Variants in INPP4B observed in about 807,000 individuals in gnomAD.
INPP4B encodes the protein inositol polyphosphate-4-phosphatase type II B.
INPP4B carries 55 observed loss-of-function variants against 122.5 expected under a neutral mutation model. That is an observed-to-expected ratio of 0.45 (90% CI 0.36 to 0.56). The LOEUF (loss-of-function observed/expected upper bound fraction) is 0.56, where lower values mean the gene tolerates loss of function less well. Ranked by LOEUF, INPP4B falls within the 20% of genes least tolerant of loss-of-function variation. INPP4B has a pLI of 0.00. For synonymous variants in INPP4B, 403 were observed against 388.7 expected (o/e 1.04, Z -0.43); for missense variants, 1,000 against 1,097.7 (o/e 0.91, Z 1.26).
intron 3 of INPP4B, 44 bp from the exon 4 acceptor site, chr4:142,431,429 A>G: frequency 1.7e-6 from 1 of 602,272 alleles, no homozygotes; most frequent in Non-Finnish European, 2.9e-6. Context: ...ATTGGAGTTC[A>G]GTATAAAGCT....
At chr4:142,420,034 T>C (rs921556101) in intron 5 of INPP4B, among the ~76,000 whole-genome samples, 2 of 151,992 alleles carry the variant, frequency 1.3e-5, no homozygotes, top group Admixed American at 6.6e-5. Context: ...AGGGAGAAAG[T>C]AATTAGGTAA....
intron 2 of INPP4B, among the ~76,000 whole-genome samples, chr4:142,468,801 A>G (rs1818291910): frequency 6.6e-6 from 1 of 152,008 alleles, no homozygotes; most frequent in African/African-American, 2.4e-5. Flanking sequence ...AGCCAAATAA[A>G]CCTCTTTTCT....
intron 18 of INPP4B, among the ~76,000 whole-genome samples, chr4:142,132,242 G>C (rs1359886810): frequency 1.3e-5 from 2 of 151,868 alleles, no homozygotes; most frequent in African/African-American, 4.8e-5. Flanking sequence ...TAGTGAATAT[G>C]TTTGTAGAGA....
Position 142,739,241 on chromosome 4 carries a change from C to T in INPP4B, c.-253-13340G>A, listed in dbSNP as rs116136582. 9.5e-3 allele frequency among the ~76,000 whole-genome samples: 1,444 copies of T among 152,094 alleles called. 26 individuals carry two copies. Among genetic ancestry groups the T allele is most frequent in the African/African-American group, 0.032 (1,345 of 41,492 alleles). Reference sequence around the variant, plus strand: ...TCACTGTTTTAACGAAATTCTAGTACCCATATCTTGATAGAAATTATGAAA... The same window carrying T: ...TCACTGTTTTAACGAAATTCTAGTATCCATATCTTGATAGAAATTATGAAA... On this transcript the variant is annotated intron_variant, in intron 1 of 25. Coordinates refer to ENST00000262992, the MANE Select transcript of INPP4B (RefSeq NM_001101669.3).
chr4:142,061,879 CACACACATATATATAT>C (rs1403990112), intron 25 of INPP4B, among the ~76,000 whole-genome samples: 62 of 8,260 alleles, frequency 7.5e-3, no homozygotes, highest in African/African-American at 0.01. Flanking sequence ...CACACACACA[CACACACATATATATAT>C]ATATATATAT....
intron 11 of INPP4B, among the ~76,000 whole-genome samples, chr4:142,258,536 G>C (rs1230097206): frequency 6.6e-6 from 1 of 152,098 alleles, no homozygotes. Context: ...ATCAAAAAGT[G>C]GGCAAAGAAC....
intron 25 of INPP4B, among the ~76,000 whole-genome samples, chr4:142,076,603 G>A (rs4499771): frequency 0.89 from 135,834 of 152,012 alleles, 62,076 homozygotes; most frequent in Non-Finnish European, 0.98. Flanking sequence ...AATCATGGAA[G>A]ACCTGTTCCC....
intron 7 of INPP4B, among the ~76,000 whole-genome samples, chr4:142,369,506 G>T (rs1404074062): frequency 6.6e-6 from 1 of 151,422 alleles, no homozygotes; most frequent in South Asian, 2.1e-4. Context: ...GAGCCCAGGA[G>T]GTCAAGGTCA....
At chr4:142,212,183 A>G (rs1393421780) in intron 12 of INPP4B, among the ~76,000 whole-genome samples, 1 of 152,112 alleles carries the variant, frequency 6.6e-6, no homozygotes, top group Non-Finnish European at 1.5e-5. Context: ...AAGATCCCTC[A>G]CATCTTTCCC....
At chr4:142,521,501 A>G (rs1447787020) in intron 2 of INPP4B, among the ~76,000 whole-genome samples, 2 of 152,018 alleles carry the variant, frequency 1.3e-5, no homozygotes, top group African/African-American at 4.8e-5. Flanking sequence ...AGAAAAAACT[A>G]CAACAAGTAC....
At chr4:142,232,988 G>T (rs1222723325) in intron 12 of INPP4B, among the ~76,000 whole-genome samples, 2 of 152,120 alleles carry the variant, frequency 1.3e-5, no homozygotes, top group East Asian at 3.9e-4. Context: ...AAAATTTGAA[G>T]CTGACAGACA....
At chr4:142,653,945 C>A (rs1034150243) in intron 2 of INPP4B, among the ~76,000 whole-genome samples, 5 of 152,184 alleles carry the variant, frequency 3.3e-5, no homozygotes, top group African/African-American at 1.2e-4. Context: ...GTATTATTCA[C>A]AATAGCAAAG....
At position 142,664,339 on chromosome 4, in the gene INPP4B, C is replaced by T. The variant is rs1418714063; in HGVS notation, c.-191+61500G>A. Among the ~76,000 whole-genome samples, 9 of 152,250 alleles carry T rather than the reference C, an allele frequency of 5.9e-5. No individual in the cohort carries two copies. In the East Asian group the frequency reaches 1.2e-3, roughly 20 times the overall value. On this transcript the variant is annotated intron_variant, in intron 2 of 25. Coordinates refer to ENST00000262992, the MANE Select transcript of INPP4B (RefSeq NM_001101669.3). Reference sequence around the variant, plus strand: ...TCTCTTCTCCCCGCTAAGGCCAGGTCCCTTTTCAACCTTGTGTCTAATACT... The same window carrying T: ...TCTCTTCTCCCCGCTAAGGCCAGGTTCCTTTTCAACCTTGTGTCTAATACT...
At chr4:142,480,082 G>C (rs915184515) in intron 2 of INPP4B, among the ~76,000 whole-genome samples, 2 of 152,034 alleles carry the variant, frequency 1.3e-5, no homozygotes, top group Non-Finnish European at 2.9e-5. Flanking sequence ...ATTTTTTTCT[G>C]CTTTTGGAAA....
At chr4:142,720,742 A>G (rs7376145) in intron 2 of INPP4B, among the ~76,000 whole-genome samples, 54 of 72,180 alleles carry the variant, frequency 7.5e-4, no homozygotes, top group Admixed American at 1.1e-3. Flanking sequence ...ATATATATAT[A>G]TATATACATA....
At chr4:142,604,566 T>C (rs1740803876) in intron 2 of INPP4B, among the ~76,000 whole-genome samples, 1 of 152,070 alleles carries the variant, frequency 6.6e-6, no homozygotes, top group Non-Finnish European at 1.5e-5. Context: ...TCAGTAATGT[T>C]TCTATACACC....
At chr4:142,810,614 C>T (rs1445673817) in intron 1 of INPP4B, among the ~76,000 whole-genome samples, 1 of 152,148 alleles carries the variant, frequency 6.6e-6, no homozygotes, top group Non-Finnish European at 1.5e-5. Flanking sequence ...ATAAAATCAG[C>T]TCACCTAACA....
At chr4:142,151,251 G>C (rs546785048) in intron 17 of INPP4B, among the ~76,000 whole-genome samples, 1 of 151,988 alleles carries the variant, frequency 6.6e-6, no homozygotes, top group Admixed American at 6.6e-5. Flanking sequence ...AAACTGGCAC[G>C]TGTATAGCCC....
At chr4:142,773,363 T>C (rs1773377740) in intron 1 of INPP4B, among the ~76,000 whole-genome samples, 1 of 152,204 alleles carries the variant, frequency 6.6e-6, no homozygotes, top group African/African-American at 2.4e-5. Context: ...ACAGAGCTTA[T>C]AAATGACAGA....
Sources: gnomAD v4.1 joint callset for allele counts (sites outside exome capture counted in the v4.1 genomes callset) on GRCh38, gnomAD v4.1.1 for gene constraint, MANE v1.5 for transcripts, NCBI Gene and HGNC (gene_info 2026-07-23, HGNC 2026-07-21) for gene names.